The following CHP1 variants were observed in gnomAD, a reference collection of about 807,000 sequenced individuals.
CHP1 encodes calcineurin B homologous protein 1.
In CHP1, 11 loss-of-function variants were observed where a neutral mutation model predicts 27.4. That is an observed-to-expected ratio of 0.40 (90% confidence interval 0.25 to 0.67). The LOEUF is 0.67. CHP1 is among the 30% of genes least tolerant of loss of function. The probability of loss-of-function intolerance (pLI) is 0.38; values close to 1 mark genes in which losing one functional copy is unlikely to be tolerated. For synonymous variants in CHP1, 89 were observed against 87.4 expected (o/e 1.02, Z -0.10); for missense variants, 169 against 251.3 (o/e 0.67, Z 2.22).
rs2047543962 is a variant in CHP1 at position 41,281,175 on chromosome 15, A to G, written c.*1786A>G. On this transcript the variant is annotated 3_prime_UTR_variant, in exon 7 of 7. Transcript: ENST00000334660. ...TGCTCAGCCGCAAAATTCTTTATGA[A>G]TTTTACACTTGGCAAATGTTAATGA... 1 of 152,184 alleles carries G rather than the reference A, an allele frequency of 6.6e-6. No homozygotes were observed. Among genetic ancestry groups the G allele is most frequent in the Non-Finnish European group, 1.5e-5 (1 of 68,040 alleles). The allele number at this position is 152,184 out of a possible 1,614,324, so 9.4% of individuals were successfully genotyped here. A position where few individuals can be genotyped will look rare whatever the true frequency, so the allele number is the denominator to read the frequency against.
At chr15:41,262,942 T>C (rs2047440914) in intron 4 of CHP1, 59 bp downstream of exon 4, 1 of 1,596,434 alleles carries the variant, frequency 6.3e-7, no homozygotes, top group Non-Finnish European at 8.6e-7. Flanking sequence ...AAAAGTCATG[T>C]ATTTACTCAC....
chr15:41,237,759 G>A (rs1206348497), intron 1 of CHP1, among the ~76,000 whole-genome samples: 2 of 151,820 alleles, frequency 1.3e-5, no homozygotes, highest in African/African-American at 2.4e-5. Context: ...ATGGAGTCTC[G>A]TTCTGTCACC....
intron 1 of CHP1, among the ~76,000 whole-genome samples, chr15:41,233,021 C>G (rs895526536): frequency 6.6e-6 from 1 of 152,166 alleles, no homozygotes; most frequent in African/African-American, 2.4e-5. Context: ...CTCCACCTAC[C>G]AAGGCAGTCC....
At chr15:41,256,534 G>C in intron 2 of CHP1, 1 of 225,046 alleles carries the variant, frequency 4.4e-6, no homozygotes, top group Non-Finnish European at 8.9e-6. Flanking sequence ...TTCAAGTTCT[G>C]CAGTATTTGA....
At chr15:41,237,300 C>T (rs1567002300) in intron 1 of CHP1, among the ~76,000 whole-genome samples, 2 of 151,982 alleles carry the variant, frequency 1.3e-5, no homozygotes, top group South Asian at 2.1e-4. Context: ...GCATGTGCCA[C>T]CACGCCTGGC....
At chr15:41,276,136 G>A (rs1016379425) in intron 5 of CHP1, among the ~76,000 whole-genome samples, 3 of 151,802 alleles carry the variant, frequency 2.0e-5, no homozygotes, top group Non-Finnish European at 4.4e-5. Flanking sequence ...AGCTACTCGA[G>A]AGGCTGAGGC....
At chr15:41,274,503 C>A (rs1028120403) in intron 5 of CHP1, among the ~76,000 whole-genome samples, 1 of 152,126 alleles carries the variant, frequency 6.6e-6, no homozygotes, top group Admixed American at 6.6e-5. Context: ...ATCCTCTGGC[C>A]TTAGCCTTCC....
In CHP1 at chr15:41,279,685, AGT is replaced by A; in HGVS notation, c.*298_*299del. 3.0e-6 allele frequency: 1 copy of A among 327,936 alleles called. No homozygotes were observed. The highest frequency in any genetic ancestry group is 5.6e-6 in the Non-Finnish European group (1 of 178,562). 20.3% of individuals were successfully genotyped at this position (327,936 alleles called of 1,614,324 possible). ...GCCACACATCCATCCAGTCTGAGAA[AGT>A]GAGAGAGGCAATCATGCCAAGAACA... On this transcript the variant is annotated 3_prime_UTR_variant, in exon 7 of 7. Transcript: ENST00000334660.
At chr15:41,244,511 G>T (rs1330443404) in intron 2 of CHP1, among the ~76,000 whole-genome samples, 2 of 152,158 alleles carry the variant, frequency 1.3e-5, no homozygotes, top group African/African-American at 4.8e-5. Context: ...GTCTAGAGCA[G>T]TGGTTCTCAT....
intron 2 of CHP1, among the ~76,000 whole-genome samples, chr15:41,248,128 CTG>C (rs2047345891): frequency 6.6e-6 from 1 of 151,916 alleles, no homozygotes; most frequent in Non-Finnish European, 1.5e-5. Flanking sequence ...GTGCCAGACA[CTG>C]TTCTCCATGC....
intron 2 of CHP1, among the ~76,000 whole-genome samples, chr15:41,247,541 G>A (rs751792532): frequency 9.2e-5 from 14 of 151,700 alleles, no homozygotes; most frequent in Non-Finnish European, 1.6e-4. Flanking sequence ...GTGTGGTGGC[G>A]CACGCCTGTA....
intron 3 of CHP1, among the ~76,000 whole-genome samples, chr15:41,259,903 G>A (rs1267570304): frequency 1.3e-5 from 2 of 152,124 alleles, no homozygotes; most frequent in Non-Finnish European, 1.5e-5. Context: ...ACAGGCTCAC[G>A]CCACCACGCC....
intron 2 of CHP1, among the ~76,000 whole-genome samples, chr15:41,248,148 A>ATT (rs879583449): frequency 1.4e-5 from 2 of 143,258 alleles, no homozygotes; most frequent in Non-Finnish European, 1.5e-5. Flanking sequence ...TGCTGGCAAT[A>ATT]TTTTTTTTTT....
At chr15:41,267,030 A>G (rs2047464823) in intron 4 of CHP1, among the ~76,000 whole-genome samples, 1 of 152,096 alleles carries the variant, frequency 6.6e-6, no homozygotes, top group Non-Finnish European at 1.5e-5. Flanking sequence ...GGCAAATGGT[A>G]CAACATGGAT....
intron 1 of CHP1, among the ~76,000 whole-genome samples, chr15:41,240,642 A>G (rs2047301474): frequency 6.6e-6 from 1 of 151,626 alleles, no homozygotes; most frequent in African/African-American, 2.4e-5. Context: ...AATTCCAGCT[A>G]CTTGGGAGGC....
At position 41,243,706 on chromosome 15, in the gene CHP1, C is replaced by G; in HGVS notation, c.107C>G (p.Thr36Ser). Residue 36 changes from threonine (T) to serine (S), a missense_variant, in exon 2 of 7, where the codon ACC (threonine) becomes AGC (serine). By Grantham distance (58) the Thr-to-Ser change is moderately conservative. Transcript: ENST00000334660. The stretch of plus-strand genomic sequence containing the variant: ...ATCACTCGCCTCTACAGCCGGTTCA[C>G]CAGCCTGGACAAAGGAGAGAATGGG... The part of the protein sequence containing the change: ...SQITRLYSRF[T>S]SLDKGENGTL... 1.2e-6 allele frequency: 2 copies of G among 1,614,100 alleles called. No homozygotes were observed. Among genetic ancestry groups the G allele is most frequent in the Non-Finnish European group, 1.7e-6 (2 of 1,180,002 alleles).
rs186936695 is a variant in CHP1, at chr15:41,259,662, T to G, written c.221+2672T>G. On this transcript the variant is annotated intron_variant, in intron 3 of 6. Coordinates refer to ENST00000334660, the MANE Select transcript of CHP1 (RefSeq NM_007236.5). Reference sequence around the variant, plus strand: ...CATATGTTTTAAACTTTACTCCACATTACTTGATTCCTCAGATCTGACATT... The same window carrying G: ...CATATGTTTTAAACTTTACTCCACAGTACTTGATTCCTCAGATCTGACATT... 3.1e-3 allele frequency among the ~76,000 whole-genome samples: 477 copies of G among 152,278 alleles called. 3 individuals are homozygous for G. The highest frequency in any genetic ancestry group is 0.011 in the African/African-American group (464 of 41,556).
chr15:41,270,707 T>A, intron 5 of CHP1, 89 bp downstream of exon 5: 1 of 1,017,126 alleles, frequency 9.8e-7, no homozygotes, highest in Non-Finnish European at 1.5e-6. Context: ...AGTAAGCATT[T>A]ATTTAATACC....
At chr15:41,278,934 T>C (rs1346684013) in intron 6 of CHP1, 45 bp downstream of exon 6, 7 of 1,610,312 alleles carry the variant, frequency 4.3e-6, no homozygotes, top group Admixed American at 1.7e-5. Context: ...TTTTAGTGGC[T>C]GGGCGCGGTG....
Sources: allele counts gnomAD v4.1 joint callset (sites outside exome capture counted in the v4.1 genomes callset), GRCh38; gene constraint gnomAD v4.1.1; transcripts MANE v1.5; gene names NCBI Gene and HGNC (gene_info 2026-07-23, HGNC 2026-07-21).